GRXCR2: variants seen among roughly 807,000 people sequenced by gnomAD.
The protein encoded by GRXCR2 is glutaredoxin and cysteine rich domain containing 2.
In GRXCR2, 23 loss-of-function variants were observed where a neutral mutation model predicts 24.8. The ratio of observed to expected loss-of-function variants is 0.93; its 90% CI spans 0.67 to 1.32. The LOEUF (loss-of-function observed/expected upper bound fraction) is 1.32, where lower values mean the gene tolerates loss of function less well. Among genes scored for constraint, GRXCR2 ranks in the 40% most tolerant of loss-of-function variants. GRXCR2 has a pLI of 0.00. For missense variants in GRXCR2, 315 were observed against 303.4 expected (o/e 1.04, Z -0.28); for synonymous variants, 130 against 116.1 (o/e 1.12, Z -0.77).
In GRXCR2 at chr5:145,886,624, C is replaced by T. The variant is rs373379212; in HGVS notation, c.-69-19896G>A. Among the ~76,000 whole-genome samples, 25 of 152,214 alleles carry T rather than the reference C, an allele frequency of 1.6e-4. No homozygotes were observed. In the East Asian group the frequency reaches 3.3e-3, roughly 20 times the overall value. ...TAACTTACCATGCATTCCTATCACACAGAAAAGCAAAAAGAGATCTCAGAG... is the reference window on the plus strand; with the variant it reads ...TAACTTACCATGCATTCCTATCACATAGAAAAGCAAAAAGAGATCTCAGAG... On this transcript the variant is annotated intron_variant, in intron 2 of 3. Transcript: ENST00000639411.
At chr5:145,923,264 C>T (rs948312232) in intron 2 of GRXCR2, among the ~76,000 whole-genome samples, 4 of 152,142 alleles carry the variant, frequency 2.6e-5, no homozygotes, top group African/African-American at 9.7e-5. Flanking sequence ...GTGTCATACC[C>T]TGATATTGGC....
chr5:145,900,330 C>T (rs545221413), intron 2 of GRXCR2, among the ~76,000 whole-genome samples: 4 of 152,214 alleles, frequency 2.6e-5, no homozygotes, highest in Admixed American at 2.6e-4. Context: ...TTCCTCTTTG[C>T]CTTCCACCAT....
At chr5:145,904,276 A>G (rs1289000199) in intron 2 of GRXCR2, among the ~76,000 whole-genome samples, 3 of 152,184 alleles carry the variant, frequency 2.0e-5, no homozygotes, top group Non-Finnish European at 4.4e-5. Context: ...CCTGAGAACC[A>G]GCATCGCTGA....
intron 2 of GRXCR2, among the ~76,000 whole-genome samples, chr5:145,888,143 A>G (rs1025133900): frequency 1.3e-5 from 2 of 152,240 alleles, no homozygotes; most frequent in Admixed American, 6.5e-5. Flanking sequence ...AAGCATGGCT[A>G]GTTAAAGCTG....
intron 2 of GRXCR2, among the ~76,000 whole-genome samples, chr5:145,887,199 C>T (rs1368368946): frequency 6.6e-6 from 1 of 152,228 alleles, no homozygotes; most frequent in Non-Finnish European, 1.5e-5. Flanking sequence ...TAGGCTCAAG[C>T]AATCCTCCTG....
chr5:145,867,989 C>G (rs1756463753), intron 1 of GRXCR2, among the ~76,000 whole-genome samples: 1 of 152,108 alleles, frequency 6.6e-6, no homozygotes, highest in South Asian at 2.1e-4. Context: ...GGACCCAAGT[C>G]TCAGTACTCT....
chr5:145,891,698 C>A (rs1043843706), intron 2 of GRXCR2, among the ~76,000 whole-genome samples: 2 of 152,202 alleles, frequency 1.3e-5, no homozygotes, highest in South Asian at 4.1e-4. Flanking sequence ...GTAGACTCCA[C>A]CTCTGGGGGC....
intron 2 of GRXCR2, among the ~76,000 whole-genome samples, chr5:145,920,775 A>T (rs1757310598): frequency 6.6e-6 from 1 of 152,228 alleles, no homozygotes; most frequent in African/African-American, 2.4e-5. Flanking sequence ...TAAAACTGAT[A>T]TGTAGCAATA....
chr5:145,906,893 A>AAACATGGGC (rs372057845), intron 2 of GRXCR2, among the ~76,000 whole-genome samples: 2 of 152,092 alleles, frequency 1.3e-5, no homozygotes, highest in African/African-American at 4.8e-5. Context: ...GGGAGGGAAC[A>AAACATGGGC]TGGAAGCAAG....
At chr5:145,895,331 A>C (rs572665981) in intron 2 of GRXCR2, among the ~76,000 whole-genome samples, 19 of 152,116 alleles carry the variant, frequency 1.2e-4, no homozygotes, top group Non-Finnish European at 2.5e-4. Flanking sequence ...ACTAGGAAAA[A>C]AGGAAGTCAA....
intron 2 of GRXCR2, among the ~76,000 whole-genome samples, chr5:145,927,192 C>G (rs1757411163): frequency 6.6e-6 from 1 of 152,142 alleles, no homozygotes; most frequent in Non-Finnish European, 1.5e-5. Flanking sequence ...AATTTGACTT[C>G]CTCTTTTCCT....
intron 1 of GRXCR2, among the ~76,000 whole-genome samples, chr5:145,867,041 G>C (rs1001838398): frequency 6.6e-6 from 1 of 152,136 alleles, no homozygotes; most frequent in African/African-American, 2.4e-5. Flanking sequence ...GCAGGGCTGG[G>C]TACAATGAGT....
At chr5:145,865,113 T>C (rs1756406104) in intron 2 of GRXCR2, among the ~76,000 whole-genome samples, 1 of 152,146 alleles carries the variant, frequency 6.6e-6, no homozygotes, top group African/African-American at 2.4e-5. Flanking sequence ...ACCTTCTTGT[T>C]CTCATCATCT....
In GRXCR2 at chr5:145,858,846, G is replaced by A. The variant is rs776840496; in HGVS notation, c.*887C>T. On this transcript the variant is annotated 3_prime_UTR_variant, in exon 3 of 3. Transcript: ENST00000377976. ...GTAGAAACATTACTGCTAAAAATCAGCCTTGGTTAATTTTTTTCTTTTAGA... is the reference window on the plus strand; with the variant it reads ...GTAGAAACATTACTGCTAAAAATCAACCTTGGTTAATTTTTTTCTTTTAGA... 7.2e-5 allele frequency: 11 copies of A among 152,070 alleles called. No individual in the cohort carries two copies. The highest frequency in any genetic ancestry group is 1.3e-4 in the Non-Finnish European group (9 of 68,024). 9.4% of individuals were successfully genotyped at this position (152,070 alleles called of 1,614,324 possible).
upstream of GRXCR2, among the ~76,000 whole-genome samples, chr5:145,875,403 G>T (rs1756597846): frequency 6.6e-6 from 1 of 152,148 alleles, no homozygotes; most frequent in Non-Finnish European, 1.5e-5. Context: ...ACAAAAATTA[G>T]CAGGGTGTGG....
At chr5:145,919,981 G>A (rs376706374) in intron 2 of GRXCR2, among the ~76,000 whole-genome samples, 13 of 152,130 alleles carry the variant, frequency 8.5e-5, no homozygotes, top group Admixed American at 5.9e-4. Flanking sequence ...GAGGCACCCA[G>A]GGCCCTGATT....
chr5:145,886,409 G>A (rs748087564), intron 2 of GRXCR2, among the ~76,000 whole-genome samples: 6 of 152,170 alleles, frequency 3.9e-5, no homozygotes, highest in Non-Finnish European at 7.3e-5. Flanking sequence ...GGTTACCAGA[G>A]GACCCAGTAG....
At chr5:145,890,437 G>A (rs547474232) in intron 2 of GRXCR2, among the ~76,000 whole-genome samples, 14 of 152,154 alleles carry the variant, frequency 9.2e-5, no homozygotes, top group Non-Finnish European at 1.6e-4. Context: ...GGGATTATGT[G>A]AAGTCACCAA....
chr5:145,925,852 G>T (rs1440404460), intron 2 of GRXCR2, among the ~76,000 whole-genome samples: 1 of 151,934 alleles, frequency 6.6e-6, no homozygotes, highest in Non-Finnish European at 1.5e-5. Flanking sequence ...AAAAAAATTT[G>T]TTTCTCCTGT....
Sources: gnomAD v4.1 joint callset for allele counts (sites outside exome capture counted in the v4.1 genomes callset) on GRCh38, gnomAD v4.1.1 for gene constraint, MANE v1.5 for transcripts, NCBI Gene and HGNC (gene_info 2026-07-23, HGNC 2026-07-21) for gene names.